CTNNA2: variants seen among roughly 807,000 people sequenced by gnomAD.
CTNNA2 encodes catenin alpha-2.
CTNNA2 carries 42 observed loss-of-function variants against 101.0 expected under a neutral mutation model. That is an observed-to-expected ratio of 0.42 (90% confidence interval 0.32 to 0.54). The LOEUF (loss-of-function observed/expected upper bound fraction) is 0.54. Among genes scored for constraint, CTNNA2 ranks in the 20% least tolerant of loss-of-function variants. The pLI is 0.14. For missense variants in CTNNA2, 871 were observed against 1,223.1 expected (o/e 0.71, Z 4.29); for synonymous variants, 450 against 456.4 (o/e 0.99, Z 0.18).
chr2:79,361,786 G>T (rs145601362), intron 3 of CTNNA2, among the ~76,000 whole-genome samples: 13,015 of 152,180 alleles, frequency 0.086, 911 homozygotes, highest in East Asian at 0.35. Context: ...GAAGCATCCA[G>T]CATGGGAGAA....
intron 9 of CTNNA2, among the ~76,000 whole-genome samples, chr2:80,437,929 C>G (rs1682184799): frequency 1.3e-5 from 2 of 152,192 alleles, no homozygotes; most frequent in African/African-American, 4.8e-5. Flanking sequence ...ACCTGGGAGG[C>G]AGAAGTTGCA....
intron 2 of CTNNA2, among the ~76,000 whole-genome samples, chr2:79,738,004 A>G (rs1479586499): frequency 9.2e-5 from 14 of 152,232 alleles, no homozygotes; most frequent in Admixed American, 2.6e-4. Flanking sequence ...AAATTGTCTT[A>G]AAATACAACA....
At position 80,123,403 on chromosome 2, in the gene CTNNA2, T is replaced by C. The variant is rs141329416; in HGVS notation, c.1056+213606T>C. On this transcript the variant is annotated intron_variant, in intron 7 of 18. Transcript: ENST00000402739. ...AGGGCAAGGAAGAACATCTTCAGCT[T>C]GTCCTTAAAGAGGATGGAGAACATT... 1.5e-3 allele frequency among the ~76,000 whole-genome samples: 226 copies of C among 151,622 alleles called. 1 individual carries two copies. The highest frequency in any genetic ancestry group is 5.2e-3 in the African/African-American group (214 of 41,306).
intron 3 of CTNNA2, among the ~76,000 whole-genome samples, chr2:79,338,383 G>A (rs566962255): frequency 6.6e-6 from 1 of 152,172 alleles, no homozygotes; most frequent in African/African-American, 2.4e-5. Context: ...GTGTAATGAG[G>A]GAGGATGTAT....
intron 7 of CTNNA2, among the ~76,000 whole-genome samples, chr2:80,085,169 T>G (rs1283613293): frequency 6.6e-6 from 1 of 152,084 alleles, no homozygotes; most frequent in African/African-American, 2.4e-5. Context: ...AGCAGATGCC[T>G]TCTTAATTCA....
At chr2:79,846,440 GAGTATTATTCA>G (rs1230444299) in intron 3 of CTNNA2, among the ~76,000 whole-genome samples, 1 of 152,114 alleles carries the variant, frequency 6.6e-6, no homozygotes, top group Non-Finnish European at 1.5e-5. Context: ...TCAGTGATGC[GAGTATTATTCA>G]AGTATTATTC....
At chr2:79,334,400 T>G (rs1406284969) in intron 3 of CTNNA2, among the ~76,000 whole-genome samples, 1 of 151,984 alleles carries the variant, frequency 6.6e-6, no homozygotes, top group Non-Finnish European at 1.5e-5. Flanking sequence ...TATTGGATGA[T>G]GTACAGAAGT....
intron 7 of CTNNA2, among the ~76,000 whole-genome samples, chr2:80,082,185 T>G (rs555926978): frequency 6.6e-6 from 1 of 152,208 alleles, no homozygotes; most frequent in Admixed American, 6.5e-5. Context: ...TCTAGTTCAA[T>G]AACTTTAGAG....
intron 6 of CTNNA2, among the ~76,000 whole-genome samples, chr2:79,874,694 G>A (rs1682870944): frequency 6.6e-6 from 1 of 152,182 alleles, no homozygotes; most frequent in African/African-American, 2.4e-5. Flanking sequence ...TGTAATCCCA[G>A]CTACTCGGGA....
chr2:80,194,863 A>G (rs1706737864), intron 7 of CTNNA2, among the ~76,000 whole-genome samples: 2 of 151,726 alleles, frequency 1.3e-5, no homozygotes, highest in South Asian at 2.1e-4. Flanking sequence ...GTGTGTATAT[A>G]TATACACACA....
chr2:79,345,391 G>A (rs1300275627), intron 3 of CTNNA2, among the ~76,000 whole-genome samples: 2 of 152,036 alleles, frequency 1.3e-5, no homozygotes, highest in African/African-American at 4.8e-5. Context: ...TACATTGATG[G>A]CTAACTTCCA....
intron 7 of CTNNA2, among the ~76,000 whole-genome samples, chr2:80,172,126 AC>A: frequency 6.6e-6 from 1 of 152,168 alleles, no homozygotes; most frequent in African/African-American, 2.4e-5. Flanking sequence ...CTACTCGGGG[AC>A]CCCTGCAGTT....
At chr2:79,531,933 G>A (rs544547906) in intron 1 of CTNNA2, among the ~76,000 whole-genome samples, 1 of 152,100 alleles carries the variant, frequency 6.6e-6, no homozygotes, top group East Asian at 1.9e-4. Flanking sequence ...GCCCGCCTTG[G>A]CCTCCCAAAG....
At chr2:79,223,005 G>T (rs13430005) in intron 2 of CTNNA2, among the ~76,000 whole-genome samples, 61,337 of 151,776 alleles carry the variant, frequency 0.4, 14,296 homozygotes, top group Non-Finnish European at 0.52. Flanking sequence ...AAAAAAATTA[G>T]CCAGGCATAG....
intron 1 of CTNNA2, among the ~76,000 whole-genome samples, chr2:79,538,108 T>TA (rs1279429454): frequency 6.6e-6 from 1 of 152,190 alleles, no homozygotes; most frequent in Non-Finnish European, 1.5e-5. Flanking sequence ...AACACTAAGA[T>TA]AGTTTGTAAA....
intron 7 of CTNNA2, among the ~76,000 whole-genome samples, chr2:80,182,502 G>T (rs1334227313): frequency 6.6e-6 from 1 of 152,096 alleles, no homozygotes; most frequent in African/African-American, 2.4e-5. Flanking sequence ...CAATCAAGTT[G>T]ACACTCAACA....
chr2:80,503,698 C>T (rs1688051082), intron 9 of CTNNA2, among the ~76,000 whole-genome samples: 1 of 152,054 alleles, frequency 6.6e-6, no homozygotes, highest in Non-Finnish European at 1.5e-5. Context: ...GTGTTTCAAG[C>T]TTGGAATGTC....
At chr2:79,562,252 T>G (rs1480831319) in intron 1 of CTNNA2, among the ~76,000 whole-genome samples, 1 of 152,068 alleles carries the variant, frequency 6.6e-6, no homozygotes, top group Admixed American at 6.6e-5. Flanking sequence ...TTAATTCTAT[T>G]CTATTAATCA....
chr2:80,590,275 A>G (rs1284287652), intron 15 of CTNNA2, among the ~76,000 whole-genome samples: 1 of 152,196 alleles, frequency 6.6e-6, no homozygotes, highest in Non-Finnish European at 1.5e-5. Context: ...TTGAGTCAGA[A>G]TATCAGGTGA....
Sources: allele counts gnomAD v4.1 joint callset (sites outside exome capture counted in the v4.1 genomes callset), GRCh38; gene constraint gnomAD v4.1.1; transcripts MANE v1.5; gene names NCBI Gene and HGNC (gene_info 2026-07-23, HGNC 2026-07-21).